ARMH3: variants seen among roughly 807,000 people sequenced by gnomAD.
The protein encoded by ARMH3 is armadillo-like helical domain-containing protein 3.
Under a neutral mutation model 99.1 loss-of-function variants are expected in ARMH3, and 60 were observed. The ratio of observed to expected loss-of-function variants is 0.61; its 90% CI spans 0.49 to 0.75. The LOEUF (loss-of-function observed/expected upper bound fraction) is 0.75, where lower values mean the gene tolerates loss of function less well. ARMH3 is among the 30% of genes least tolerant of loss of function. ARMH3 has a pLI of 0.00. For missense variants in ARMH3, 679 were observed against 843.1 expected, an observed-to-expected ratio of 0.81 and a Z score of 2.41; for synonymous variants, 285 against 292.8, an observed-to-expected ratio of 0.97 and a Z score of 0.27.
intron 23 of ARMH3, among the ~76,000 whole-genome samples, chr10:101,890,745 T>C (rs1227803625): frequency 1.3e-5 from 2 of 152,190 alleles, no homozygotes; most frequent in African/African-American, 4.8e-5. Flanking sequence ...AAGCTGTAGA[T>C]TGCCAGTGAT....
rs925787265 is a variant in ARMH3 at position 101,957,723 on chromosome 10, T to C, written c.1505A>G (p.Asn502Ser). Residue 502 changes from asparagine to serine, a missense_variant, in exon 21 of 26, where the codon AAT becomes AGT. Around this residue, in one of 3 missense-constraint regions of ARMH3, gnomAD observed 389 missense variants for 456.5 expected, o/e 0.85. Coordinates refer to ENST00000370033, the MANE Select transcript of ARMH3 (RefSeq NM_024541.3). ...ATTTGACATAAGGAACTTCAGCAAATTTATCAAGGCTTTAAAAAAAAAAAA... is the reference window on the plus strand; with the variant it reads ...ATTTGACATAAGGAACTTCAGCAAACTTATCAAGGCTTTAAAAAAAAAAAA... ...TWRELWSALI[N>S]LLKFLMSNET... 6.5e-7 allele frequency: 1 copy of C among 1,538,782 alleles called. No homozygotes were observed. Among genetic ancestry groups the C allele is most frequent in the Admixed American group, 2.0e-5 (1 of 49,434 alleles).
chr10:101,880,576 A>C (rs1370001781), intron 24 of ARMH3, among the ~76,000 whole-genome samples: 3 of 152,152 alleles, frequency 2.0e-5, no homozygotes, highest in Non-Finnish European at 4.4e-5. Context: ...AGCTGGCTTC[A>C]CATTAGTAGC....
intron 8 of ARMH3, among the ~76,000 whole-genome samples, chr10:102,022,674 G>C (rs1246694720): frequency 6.8e-6 from 1 of 147,974 alleles, no homozygotes; most frequent in Non-Finnish European, 1.5e-5. Flanking sequence ...TCCGCCTCCC[G>C]GGTTCATGCC....
intron 23 of ARMH3, among the ~76,000 whole-genome samples, chr10:101,900,209 T>C (rs1400677422): frequency 6.6e-6 from 1 of 152,224 alleles, no homozygotes; most frequent in Admixed American, 6.5e-5. Context: ...CCGAAGTTAC[T>C]GGCAGAGTTC....
intron 12 of ARMH3, 23 bp downstream of exon 12, chr10:102,009,954 G>A (rs1232485816): frequency 6.2e-7 from 1 of 1,610,308 alleles, no homozygotes; most frequent in Non-Finnish European, 8.5e-7. Context: ...CCAAGTCACT[G>A]CACAAGAATG....
intron 23 of ARMH3, among the ~76,000 whole-genome samples, chr10:101,930,581 C>T (rs1843683720): frequency 6.6e-6 from 1 of 152,140 alleles, no homozygotes; most frequent in East Asian, 1.9e-4. Flanking sequence ...GACATCTCCT[C>T]AAAGGACTGA....
chr10:102,009,527 G>T, intron 12 of ARMH3, 78 bp from the exon 13 acceptor site: 2 of 1,207,230 alleles, frequency 1.7e-6, no homozygotes, highest in Non-Finnish European at 1.2e-6. Context: ...AGATAAGATT[G>T]GATTGCACCC....
chr10:101,930,786 CTGA>C (rs1351380634), intron 23 of ARMH3, among the ~76,000 whole-genome samples: 1 of 152,100 alleles, frequency 6.6e-6, no homozygotes, highest in Middle Eastern at 3.2e-3. Flanking sequence ...ATGGAAGGGG[CTGA>C]TAAGATTCCC....
Position 101,904,736 on chromosome 10 carries a change from G to A in ARMH3, c.1782-15246C>T, listed in dbSNP as rs971057203. Among the ~76,000 whole-genome samples, 60 of 151,810 alleles carry A rather than the reference G, an allele frequency of 4.0e-4. 1 individual carries two copies. The highest frequency in any genetic ancestry group is 1.4e-3 in the African/African-American group (58 of 41,438). ...TGGGAGGCCGAGGCAGGCAGATTAC[G>A]AGGTCGGGAGATTGAGACCAGCCTG... is the stretch of plus-strand genomic sequence containing the variant. On this transcript the variant is annotated intron_variant, in intron 23 of 25. Coordinates refer to ENST00000370033, the MANE Select transcript of ARMH3 (RefSeq NM_024541.3).
intron 20 of ARMH3, among the ~76,000 whole-genome samples, chr10:101,963,933 G>A (rs994406372): frequency 2.0e-5 from 3 of 147,646 alleles, no homozygotes; most frequent in Non-Finnish European, 4.5e-5. Context: ...CTGGACTGCA[G>A]TGGTGTGATC....
chr10:101,887,592 CTTTTTTTTTT>C (rs34624064), intron 24 of ARMH3, among the ~76,000 whole-genome samples: 15 of 96,880 alleles, frequency 1.5e-4, no homozygotes, highest in African/African-American at 5.9e-4. Context: ...CTCTCTCTCT[CTTTTTTTTTT>C]TTTTTTTTTT....
At chr10:101,966,290 T>A (rs1003722846) in intron 20 of ARMH3, among the ~76,000 whole-genome samples, 5 of 116,906 alleles carry the variant, frequency 4.3e-5, no homozygotes, top group African/African-American at 6.4e-5. Flanking sequence ...TTTGGGTTTT[T>A]TTTTTTTTTT....
chr10:101,989,724 A>T lies in ARMH3; in HGVS notation c.1406+827T>A, dbSNP rs1328156594. 2.0e-5 allele frequency among the ~76,000 whole-genome samples: 3 copies of T among 152,154 alleles called. No individual in the cohort carries two copies. The East Asian group carries it at 5.8e-4, about 29-fold the overall frequency. On this transcript the variant is annotated intron_variant, in intron 19 of 25. Transcript: ENST00000370033. Reference sequence around the variant, plus strand: ...CAACAGAGTGAGACTCCGTCTCAAAACAAAAACAAAAACAAAAACAAAAAA... The same window carrying T: ...CAACAGAGTGAGACTCCGTCTCAAATCAAAAACAAAAACAAAAACAAAAAA...
intron 24 of ARMH3, among the ~76,000 whole-genome samples, chr10:101,879,355 A>T (rs1178968866): frequency 7.0e-6 from 1 of 143,348 alleles, no homozygotes; most frequent in East Asian, 2.0e-4. Context: ...TTACATAAGA[A>T]TTTTTTTTTT....
chr10:101,880,224 T>C (rs2067378043), intron 24 of ARMH3, among the ~76,000 whole-genome samples: 1 of 152,220 alleles, frequency 6.6e-6, no homozygotes, highest in African/African-American at 2.4e-5. Flanking sequence ...GAGTCTTACA[T>C]CTCAGCTCTT....
chr10:101,970,412 G>A (rs572105504), intron 20 of ARMH3, among the ~76,000 whole-genome samples: 1 of 152,010 alleles, frequency 6.6e-6, no homozygotes, highest in South Asian at 2.1e-4. Flanking sequence ...ATTATTATTC[G>A]GCTCAAACAC....
intron 14 of ARMH3, among the ~76,000 whole-genome samples, chr10:102,003,661 C>A (rs2066419292): frequency 6.6e-6 from 1 of 152,164 alleles, no homozygotes; most frequent in South Asian, 2.1e-4. Context: ...TGGGATATTA[C>A]TCATAATATG....
chr10:102,044,931 T>C (rs1237359171), intron 1 of ARMH3, among the ~76,000 whole-genome samples: 1 of 151,218 alleles, frequency 6.6e-6, no homozygotes, highest in East Asian at 1.9e-4. Flanking sequence ...AGCTCAGGAG[T>C]TCGAGAACAG....
chr10:102,038,719 T>C (rs1325761803), intron 2 of ARMH3, among the ~76,000 whole-genome samples: 2 of 151,906 alleles, frequency 1.3e-5, no homozygotes, highest in Non-Finnish European at 2.9e-5. Flanking sequence ...AGGCACATAA[T>C]AGAAACCCAA....
Sources: allele counts gnomAD v4.1 joint callset (sites outside exome capture counted in the v4.1 genomes callset), GRCh38; gene constraint gnomAD v4.1.1; regional missense constraint gnomAD v4.1.1; transcripts MANE v1.5; gene names NCBI Gene and HGNC (gene_info 2026-07-23, HGNC 2026-07-21).